CSNK1G1: variants seen among roughly 807,000 people sequenced by gnomAD.
CSNK1G1 encodes the protein casein kinase 1 gamma 1.
In CSNK1G1, 22 loss-of-function variants were observed where a neutral mutation model predicts 59.6. The observed-to-expected ratio is 0.37, with a 90% CI of 0.26 to 0.53. The LOEUF is 0.53. CSNK1G1 is among the 20% of genes least tolerant of loss of function. The probability of loss-of-function intolerance (pLI) is 0.89; values close to 1 mark genes in which losing one functional copy is unlikely to be tolerated. For missense variants in CSNK1G1, 384 were observed against 519.5 expected (o/e 0.74, Z 2.54); for synonymous variants, 179 against 177.1 (o/e 1.01, Z -0.08).
At chr15:64,303,398 T>G (rs973582021) in intron 1 of CSNK1G1, among the ~76,000 whole-genome samples, 22 of 150,960 alleles carry the variant, frequency 1.5e-4, no homozygotes, top group African/African-American at 4.9e-4. Context: ...AAGGACTACT[T>G]GAGCCTAGAA....
At chr15:64,246,371 C>T (rs754824525) in intron 4 of CSNK1G1, among the ~76,000 whole-genome samples, 4 of 152,056 alleles carry the variant, frequency 2.6e-5, no homozygotes, top group South Asian at 2.1e-4. Context: ...CCTGTGATCC[C>T]AGCACTTTGG....
intron 10 of CSNK1G1, among the ~76,000 whole-genome samples, chr15:64,182,963 C>T (rs563158271): frequency 1.3e-5 from 2 of 152,198 alleles, no homozygotes; most frequent in Non-Finnish European, 2.9e-5. Context: ...TCATTTGCTT[C>T]TTGTGGACAT....
Position 64,168,110 on chromosome 15 carries a change from A to C in CSNK1G1, c.*3821T>G, listed in dbSNP as rs1223016430. On this transcript the variant is annotated 3_prime_UTR_variant, in exon 12 of 12. Coordinates refer to ENST00000303052, the MANE Select transcript of CSNK1G1 (RefSeq NM_022048.5). The stretch of plus-strand genomic sequence containing the variant: ...CAGGGACTGTTTTCTAAGTACTTGG[A>C]GTTCATTTAGAAAAAAGAGACAATC... The C allele has an allele frequency of 1.3e-5, 2 of 152,572 alleles. No homozygotes were observed. 9.5% of individuals were successfully genotyped at this position (152,572 alleles called of 1,614,324 possible).
At chr15:64,327,994 A>G (rs1163723439) in intron 1 of CSNK1G1, among the ~76,000 whole-genome samples, 7 of 46,312 alleles carry the variant, frequency 1.5e-4, no homozygotes, top group African/African-American at 5.6e-4. Context: ...AAAAGAAATG[A>G]GCAAAGCCTC....
intron 10 of CSNK1G1, among the ~76,000 whole-genome samples, chr15:64,196,553 G>A (rs1233303118): frequency 6.6e-6 from 1 of 152,008 alleles, no homozygotes; most frequent in African/African-American, 2.4e-5. Flanking sequence ...CCGGGTTCAA[G>A]TGATTCTTCT....
At chr15:64,212,589 G>A (rs1245848314) in intron 6 of CSNK1G1, among the ~76,000 whole-genome samples, 3 of 152,250 alleles carry the variant, frequency 2.0e-5, no homozygotes, top group African/African-American at 7.2e-5. Flanking sequence ...GATGGCATGC[G>A]CCTGTAACCC....
chr15:64,292,606 A>G (rs896606365), intron 2 of CSNK1G1, among the ~76,000 whole-genome samples: 2 of 152,132 alleles, frequency 1.3e-5, no homozygotes, highest in African/African-American at 4.8e-5. Flanking sequence ...CCATAAACAT[A>G]CGTGCACCCC....
rs150443663 is a variant in CSNK1G1, at chr15:64,296,674, G to A, written c.181+3645C>T. On this transcript the variant is annotated intron_variant, in intron 2 of 11. Transcript: ENST00000303052. ...GAGGTCAGGAGTTCGAGACCAGCCT[G>A]GCCAACATGGTGAAACCCTGCCTCA... is the stretch of plus-strand genomic sequence containing the variant. 6.2e-3 allele frequency among the ~76,000 whole-genome samples: 950 copies of A among 152,136 alleles called. 11 individuals carry two copies. The highest frequency in any genetic ancestry group is 0.015 in the African/African-American group (610 of 41,514).
chr15:64,304,052 T>G (rs980287929), intron 1 of CSNK1G1, among the ~76,000 whole-genome samples: 1 of 152,058 alleles, frequency 6.6e-6, no homozygotes, highest in African/African-American at 2.4e-5. Context: ...GTGTCAATTT[T>G]CTAATCTATG....
At chr15:64,291,303 T>C (rs1211896221) in intron 2 of CSNK1G1, among the ~76,000 whole-genome samples, 2 of 152,200 alleles carry the variant, frequency 1.3e-5, no homozygotes, top group Non-Finnish European at 2.9e-5. Flanking sequence ...TGTTACATTT[T>C]GGTCTGGGTG....
In CSNK1G1 at chr15:64,171,324, G is replaced by T. The variant is rs770307058; in HGVS notation, c.*607C>A. On this transcript the variant is annotated 3_prime_UTR_variant, in exon 12 of 12. Coordinates refer to ENST00000303052, the MANE Select transcript of CSNK1G1 (RefSeq NM_022048.5). This position sits in a 1 kb window ranked among gnomAD's most constrained non-coding sequence, Gnocchi z 4.8. ...GATTGCTCACAGCTTGTGTCCTACA[G>T]TGTAACTTCACAGGAGGGAGGGAAG... 7.1e-5 allele frequency: 11 copies of T among 154,278 alleles called. No individual in the cohort carries two copies. Among genetic ancestry groups the T allele is most frequent in the Admixed American group, 7.1e-4 (11 of 15,504 alleles). 9.6% of individuals were successfully genotyped at this position (154,278 alleles called of 1,614,324 possible).
intron 3 of CSNK1G1, among the ~76,000 whole-genome samples, chr15:64,252,091 T>G (rs1892118195): frequency 6.6e-6 from 1 of 151,514 alleles, no homozygotes; most frequent in Non-Finnish European, 1.5e-5. Context: ...TGAATGTCTT[T>G]CAAAGTATTT....
intron 10 of CSNK1G1, among the ~76,000 whole-genome samples, chr15:64,199,250 C>CAAAAAAAAAAAAAAA (rs56819260): frequency 5.7e-5 from 3 of 52,338 alleles, no homozygotes; most frequent in African/African-American, 1.5e-4. Flanking sequence ...AATCTTTTCT[C>CAAAAAAAAAAAAAAA]AAAAAAAAAA....
chr15:64,237,531 T>C (rs758548688), intron 4 of CSNK1G1, among the ~76,000 whole-genome samples: 33 of 152,316 alleles, frequency 2.2e-4, no homozygotes, highest in African/African-American at 3.8e-4. Flanking sequence ...TGTTCACAAC[T>C]ACCTGTGTTA....
Position 64,259,483 on chromosome 15 carries a change from T to TACACACACACACAC in CSNK1G1, c.182-256_182-243dup, listed in dbSNP as rs59936401. Among the ~76,000 whole-genome samples the TACACACACACACAC allele has an allele frequency of 5.4e-4, 76 of 139,816 alleles. 1 individual carries two copies. The highest frequency in any genetic ancestry group is 2.1e-3 in the East Asian group (10 of 4,730). The allele number at this position is 139,816 out of a possible 152,430, so 91.7% of individuals were successfully genotyped here. A position where few individuals can be genotyped will look rare whatever the true frequency, so the allele number is the denominator to read the frequency against. ...CCTAAAAGAGAAAACAAATCTCTCT[T>TACACACACACACAC]ACACACACACACACACACACACACA... On this transcript the variant is annotated intron_variant, in intron 2 of 11. Coordinates refer to ENST00000303052, the MANE Select transcript of CSNK1G1 (RefSeq NM_022048.5).
intron 4 of CSNK1G1, among the ~76,000 whole-genome samples, chr15:64,236,044 G>A (rs1228299465): frequency 1.3e-5 from 2 of 150,804 alleles, no homozygotes; most frequent in African/African-American, 4.9e-5. Context: ...TCGGGAGGCT[G>A]AGGCAGGAGA....
At chr15:64,278,406 GTGTGTGTGTGTGTA>G (rs1174480587) in intron 2 of CSNK1G1, among the ~76,000 whole-genome samples, 4 of 128,890 alleles carry the variant, frequency 3.1e-5, no homozygotes, top group African/African-American at 1.0e-4. Flanking sequence ...GTGTGTGTGT[GTGTGTGTGTGTGTA>G]TATATATATA....
intron 4 of CSNK1G1, among the ~76,000 whole-genome samples, chr15:64,229,659 A>G (rs1335234586): frequency 2.0e-5 from 3 of 152,114 alleles, no homozygotes; most frequent in Non-Finnish European, 4.4e-5. Context: ...GAGGTGAGAA[A>G]AAAAGAGAGG....
At chr15:64,247,713 C>A (rs537178942) in intron 4 of CSNK1G1, among the ~76,000 whole-genome samples, 13 of 152,198 alleles carry the variant, frequency 8.5e-5, no homozygotes, top group African/African-American at 3.1e-4. Context: ...TAGATCAGGT[C>A]ATCAATGTGA....
Sources: gnomAD v4.1 joint callset for allele counts (sites outside exome capture counted in the v4.1 genomes callset) on GRCh38, gnomAD v4.1.1 for gene constraint, Gnocchi (gnomAD v3.1) non-coding constraint, MANE v1.5 for transcripts, NCBI Gene and HGNC (gene_info 2026-07-23, HGNC 2026-07-21) for gene names.